ZNF90: variants seen among roughly 807,000 people sequenced by gnomAD.
ZNF90 encodes the protein zinc finger protein HTF9.
A neutral mutation model predicts 12.0 loss-of-function variants in ZNF90; 11 were observed. That is an observed-to-expected ratio of 0.92 (90% CI 0.58 to 1.52). ZNF90 has a LOEUF of 1.52. Among genes scored for constraint, ZNF90 ranks in the 40% most tolerant of loss-of-function variants. The pLI is 0.00. For synonymous variants in ZNF90, 232 were observed against 240.1 expected (o/e 0.97, Z 0.31); for missense variants, 765 against 711.5 (o/e 1.08, Z -0.86).
intron 1 of ZNF90, among the ~76,000 whole-genome samples, chr19:20,096,985 A>G (rs187969363): frequency 4.0e-4 from 61 of 152,360 alleles, no homozygotes; most frequent in African/African-American, 1.4e-3. Context: ...GTCATTGAAT[A>G]TGAGCAATTA....
At chr19:20,081,718 A>G (rs900158795) in intron 1 of ZNF90, among the ~76,000 whole-genome samples, 2 of 151,396 alleles carry the variant, frequency 1.3e-5, no homozygotes, top group Non-Finnish European at 2.9e-5. Flanking sequence ...GTTCATCTAC[A>G]TTGCAGTCTT....
intron 1 of ZNF90, among the ~76,000 whole-genome samples, chr19:20,097,213 G>A (rs909404553): frequency 6.6e-6 from 1 of 152,120 alleles, no homozygotes; most frequent in Non-Finnish European, 1.5e-5. Context: ...TGGGGCTGGA[G>A]ACATGTTTTC....
chr19:20,119,213 T>C lies in ZNF90; in HGVS notation c.1659T>C (p.Thr553=). The C allele has an allele frequency of 6.2e-7, 1 of 1,613,602 alleles. No individual in the cohort carries two copies. ...GKAFKRSSQL[T]SHKISHTGEK... ...CCTTTAAGCGCTCCTCACAGCTTAC[T>C]AGTCATAAGATAAGTCATACTGGAG... The change falls in exon 4 of 4, where the codon ACT becomes ACC. Residue 553 remains threonine (T), a synonymous_variant. Coordinates refer to ENST00000418063, the MANE Select transcript of ZNF90 (RefSeq NM_007138.2).
At chr19:20,106,202 TTA>T (rs1309992274) in intron 3 of ZNF90, among the ~76,000 whole-genome samples, 5 of 152,122 alleles carry the variant, frequency 3.3e-5, no homozygotes, top group African/African-American at 9.6e-5. Flanking sequence ...TATGTTAATT[TTA>T]TGTTTTGCTA....
intron 1 of ZNF90, among the ~76,000 whole-genome samples, chr19:20,085,603 TTC>T (rs1187425513): frequency 6.6e-6 from 1 of 152,182 alleles, no homozygotes; most frequent in African/African-American, 2.4e-5. Flanking sequence ...TATAATATCT[TTC>T]TCTCTTTTGG....
At chr19:20,085,039 T>A (rs1213833871) in intron 1 of ZNF90, among the ~76,000 whole-genome samples, 4 of 152,146 alleles carry the variant, frequency 2.6e-5, no homozygotes, top group Non-Finnish European at 4.4e-5. Flanking sequence ...GCTGGGTTTC[T>A]TATAATTTTA....
chr19:20,102,571 T>C (rs1445206965), intron 1 of ZNF90, among the ~76,000 whole-genome samples: 1 of 152,224 alleles, frequency 6.6e-6, no homozygotes, highest in Non-Finnish European at 1.5e-5. Flanking sequence ...TATATTTGCC[T>C]TGCTGAGATG....
chr19:20,101,719 T>A (rs2088991657), intron 1 of ZNF90, among the ~76,000 whole-genome samples: 1 of 152,018 alleles, frequency 6.6e-6, no homozygotes, highest in African/African-American at 2.4e-5. Flanking sequence ...GTGTAATTTC[T>A]CCAGAGAATG....
At chr19:20,084,210 C>T (rs10414988) in intron 1 of ZNF90, among the ~76,000 whole-genome samples, 3,079 of 152,058 alleles carry the variant, frequency 0.02, 35 homozygotes, top group African/African-American at 0.033. Flanking sequence ...CTGGCCACCA[C>T]GCATGGCAAA....
rs782693273 is a variant in ZNF90 at position 20,117,900 on chromosome 19, G to C, written c.346G>C (p.Gly116Arg). 6.2e-7 allele frequency: 1 copy of C among 1,612,114 alleles called. No individual in the cohort carries two copies. The highest frequency in any genetic ancestry group is 1.1e-5 in the South Asian group (1 of 90,650). The change falls in exon 4 of 4, where the codon GGT becomes CGT. Residue 116 changes from glycine (G) to arginine (R), a missense_variant. Gly to Arg is a moderately radical substitution (Grantham distance 125). Transcript: ENST00000418063. ...ATATGGCAATTTAGAGTTAAAAAAA[G>C]GTTGTGAAAGTGTGGATGAGGGTAA... ...REYGNLELKK[G>R]CESVDEGKVH...
Position 20,112,014 on chromosome 19 carries a change from A to G in ZNF90, c.227-5767A>G, listed in dbSNP as rs2122519472. On this transcript the variant is annotated intron_variant, in intron 3 of 3. Coordinates refer to ENST00000418063, the MANE Select transcript of ZNF90 (RefSeq NM_007138.2). Reference sequence around the variant, plus strand: ...GCTGGGATTACAGGCATGCACCACCATGCCCGCCTAATTTTTGTATTTTTA... The same window carrying G: ...GCTGGGATTACAGGCATGCACCACCGTGCCCGCCTAATTTTTGTATTTTTA... Among the ~76,000 whole-genome samples, 3 of 151,976 alleles carry G rather than the reference A, an allele frequency of 2.0e-5. 1 individual carries two copies. The South Asian group carries it at 6.3e-4, about 32-fold the overall frequency.
At chr19:20,103,494 A>G (rs1379335762) in intron 1 of ZNF90, among the ~76,000 whole-genome samples, 2 of 152,228 alleles carry the variant, frequency 1.3e-5, no homozygotes, top group South Asian at 2.1e-4. Context: ...GTCCTAGTGC[A>G]CTTAATGGTG....
intron 3 of ZNF90, among the ~76,000 whole-genome samples, chr19:20,113,996 A>G (rs1226984530): frequency 6.6e-6 from 1 of 152,220 alleles, no homozygotes; most frequent in Non-Finnish European, 1.5e-5. Context: ...TAAAATTTAT[A>G]ATAAAATATT....
chr19:20,108,407 T>G (rs2089057745), intron 3 of ZNF90, among the ~76,000 whole-genome samples: 1 of 152,204 alleles, frequency 6.6e-6, no homozygotes, highest in Non-Finnish European at 1.5e-5. Flanking sequence ...CCTCCTGGGT[T>G]CAAGCAATTC....
chr19:20,118,082 A>T lies in ZNF90; in HGVS notation c.528A>T (p.Ile176=). Residue 176 remains isoleucine, a synonymous_variant, in exon 4 of 4, where the codon ATA becomes ATT. Coordinates refer to ENST00000418063, the MANE Select transcript of ZNF90 (RefSeq NM_007138.2). ...CTGGAAAAAAACCTTTCAAATGTAT[A>T]GAATGTGGCAAAGCTTTCAACCAGT... is the stretch of plus-strand genomic sequence containing the variant. ...RDTGKKPFKC[I]ECGKAFNQSS... is the part of the protein sequence containing the mutation. The T allele has an allele frequency of 1.2e-6, 2 of 1,613,596 alleles. No individual in the cohort carries two copies. The highest frequency in any genetic ancestry group is 1.7e-6 in the Non-Finnish European group (2 of 1,179,700).
intron 3 of ZNF90, 34 bp from the exon 4 acceptor site, chr19:20,117,747 A>T (rs1458879482): frequency 2.1e-6 from 3 of 1,456,616 alleles, no homozygotes; most frequent in Non-Finnish European, 2.7e-6. Flanking sequence ...AGAATCTAGC[A>T]ATTGAAGTAA....
chr19:20,100,363 CA>C (rs1193531732), intron 1 of ZNF90, among the ~76,000 whole-genome samples: 2 of 152,080 alleles, frequency 1.3e-5, no homozygotes, highest in African/African-American at 4.8e-5. Context: ...TAAAGTGTGC[CA>C]AAAAAATAAT....
At chr19:20,090,145 CA>C (rs1489631374) in intron 1 of ZNF90, among the ~76,000 whole-genome samples, 3 of 152,030 alleles carry the variant, frequency 2.0e-5, no homozygotes, top group Admixed American at 1.3e-4. Flanking sequence ...TGTAAACTGG[CA>C]GTGTAAACAA....
rs554865956 is a variant in ZNF90, at chr19:20,103,890, C to A, written c.4-349C>A. Among the ~76,000 whole-genome samples, 4 of 152,152 alleles carry A rather than the reference C, an allele frequency of 2.6e-5. No homozygotes were observed. In the South Asian group the frequency reaches 8.3e-4, roughly 32 times the overall value. On this transcript the variant is annotated intron_variant, in intron 1 of 3. Coordinates refer to ENST00000418063, the MANE Select transcript of ZNF90 (RefSeq NM_007138.2). ...CATATTAAAATTTGAGAGGTGCCTT[C>A]TAAGTCACCGTGTCTTTTCTGTCTG...
Sources: gnomAD v4.1 joint callset for allele counts (sites outside exome capture counted in the v4.1 genomes callset) on GRCh38, gnomAD v4.1.1 for gene constraint, MANE v1.5 for transcripts, NCBI Gene and HGNC (gene_info 2026-07-23, HGNC 2026-07-21) for gene names.